The following EIF2S1 variants were observed in gnomAD, a reference collection of about 807,000 sequenced individuals.
The protein encoded by EIF2S1 is eukaryotic translation initiation factor 2 subunit alpha, also known as eukaryotic translation initiation factor 2 subunit 1.
Under a neutral mutation model 33.5 loss-of-function variants are expected in EIF2S1, and 5 were observed. The ratio of observed to expected loss-of-function variants is 0.15; its 90% CI spans 0.08 to 0.31. The LOEUF (loss-of-function observed/expected upper bound fraction) is 0.31. EIF2S1 is among the 10% of genes least tolerant of loss of function. EIF2S1 has a pLI of 1.00. For synonymous variants in EIF2S1, 99 were observed against 127.5 expected (o/e 0.78, Z 1.51); for missense variants, 191 against 384.6 (o/e 0.50, Z 4.21).
At chr14:67,372,645 A>G (rs189271016) in intron 2 of EIF2S1, among the ~76,000 whole-genome samples, 105 of 152,314 alleles carry the variant, frequency 6.9e-4, no homozygotes, top group Admixed American at 1.9e-3. Context: ...CCTGGCCAAC[A>G]TGGTGAAACC....
At position 67,368,633 on chromosome 14, in the gene EIF2S1, G is replaced by A. The variant is rs144202998; in HGVS notation, c.241+3625G>A. Among the ~76,000 whole-genome samples the A allele has an allele frequency of 5.9e-3, 890 of 152,058 alleles. 5 individuals carry two copies. The highest frequency in any genetic ancestry group is 9.8e-3 in the Admixed American group (149 of 15,258). ...CTTAATCACAAAGGCCAGGAGGTGTGGGGTAAATAGATCTATATGATTCTT... is the reference window on the plus strand; with the variant it reads ...CTTAATCACAAAGGCCAGGAGGTGTAGGGTAAATAGATCTATATGATTCTT... On this transcript the variant is annotated intron_variant, in intron 2 of 7. Transcript: ENST00000256383.
rs923379440 is a variant in EIF2S1 at position 67,384,498 on chromosome 14, T to G, written c.*1058T>G. The G allele has an allele frequency of 6.6e-6, 1 of 152,154 alleles. No homozygotes were observed. The highest frequency in any genetic ancestry group is 2.4e-5 in the African/African-American group (1 of 41,448). The allele number at this position is 152,154 out of a possible 1,614,324, so 9.4% of individuals were successfully genotyped here. ...AGGTGTAGAAAATCTTGAGTTGCTTTGGTCTGCTTGTCTTCATAAATTTAT... is the reference window on the plus strand; with the variant it reads ...AGGTGTAGAAAATCTTGAGTTGCTTGGGTCTGCTTGTCTTCATAAATTTAT... On this transcript the variant is annotated 3_prime_UTR_variant, in exon 8 of 8. Coordinates refer to ENST00000256383, the MANE Select transcript of EIF2S1 (RefSeq NM_004094.5).
intron 3 of EIF2S1, 178 bp downstream of exon 3, chr14:67,374,725 G>T: frequency 2.4e-6 from 1 of 419,996 alleles, no homozygotes; most frequent in South Asian, 7.1e-5. Flanking sequence ...GACTTCAACT[G>T]CTTTAACTTG....
At position 67,386,370 on chromosome 14, in the gene EIF2S1, G is replaced by A. The variant is rs920739378; in HGVS notation, c.*2930G>A. ...CAAATTTTTACTTAAGCACTTTGAG[G>A]TATCCACTCCCCTTAAATGTAAGTT... is the stretch of plus-strand genomic sequence containing the variant. On this transcript the variant is annotated 3_prime_UTR_variant, in exon 8 of 8. Transcript: ENST00000256383. The A allele has an allele frequency of 2.0e-5, 3 of 152,230 alleles. No individual in the cohort carries two copies. Among genetic ancestry groups the A allele is most frequent in the Non-Finnish European group, 4.4e-5 (3 of 68,010 alleles). The allele number at this position is 152,230 out of a possible 1,614,324, so 9.4% of individuals were successfully genotyped here. A position where few individuals can be genotyped will look rare whatever the true frequency, so the allele number is the denominator to read the frequency against.
chr14:67,372,288 T>G (rs924817325), intron 2 of EIF2S1, among the ~76,000 whole-genome samples: 1 of 152,170 alleles, frequency 6.6e-6, no homozygotes, highest in Non-Finnish European at 1.5e-5. Context: ...CACCTCACCT[T>G]ATACAAAAGT....
chr14:67,374,708 T>C lies in EIF2S1; in HGVS notation c.321+161T>C, dbSNP rs183881517. 18 of 446,048 alleles carry C rather than the reference T, an allele frequency of 4.0e-5. No individual in the cohort carries two copies. The East Asian group carries it at 5.7e-4, about 14-fold the overall frequency. 27.6% of individuals were successfully genotyped at this position (446,048 alleles called of 1,614,324 possible). On this transcript the variant is annotated intron_variant, in intron 3 of 7. Transcript: ENST00000256383. Reference sequence around the variant, plus strand: ...TGAAGCCGTTTTAGGTTAAATTAACTGTGGGTGACTTCAACTGCTTTAACT... The same window carrying C: ...TGAAGCCGTTTTAGGTTAAATTAACCGTGGGTGACTTCAACTGCTTTAACT...
chr14:67,384,682 G>A lies in EIF2S1; in HGVS notation c.*1242G>A, dbSNP rs1595652168. On this transcript the variant is annotated 3_prime_UTR_variant, in exon 8 of 8. Transcript: ENST00000256383. ...GAAAATAGAAGAGTGTGTTGGGCAG[G>A]TAGTTTGTACCATTTATGAAGGTTT... 1 of 152,288 alleles carries A rather than the reference G, an allele frequency of 6.6e-6. No homozygotes were observed. Among genetic ancestry groups the A allele is most frequent in the East Asian group, 1.9e-4 (1 of 5,190 alleles). 9.4% of individuals were successfully genotyped at this position (152,288 alleles called of 1,614,324 possible). A position where few individuals can be genotyped will look rare whatever the true frequency, so the allele number is the denominator to read the frequency against.
At chr14:67,363,505 T>C (rs2085755764) in intron 1 of EIF2S1, among the ~76,000 whole-genome samples, 1 of 152,198 alleles carries the variant, frequency 6.6e-6, no homozygotes, top group Non-Finnish European at 1.5e-5. Context: ...TGAATAGTTT[T>C]GAGAGAATAT....
chr14:67,378,495 C>T (rs541389157), intron 4 of EIF2S1, among the ~76,000 whole-genome samples: 2 of 152,208 alleles, frequency 1.3e-5, no homozygotes, highest in East Asian at 3.9e-4. Flanking sequence ...GGTCACACAG[C>T]TAACAAATCA....
chr14:67,373,842 A>AGTGTGTGTGTGTGTGTGT (rs35163593), intron 2 of EIF2S1, among the ~76,000 whole-genome samples: 19 of 145,796 alleles, frequency 1.3e-4, no homozygotes, highest in African/African-American at 4.2e-4. Context: ...TAATTTGTTC[A>AGTGTGTGTGTGTGTGTGT]GTGTGTGTGT....
chr14:67,380,325 GT>G (rs140960599), intron 4 of EIF2S1, among the ~76,000 whole-genome samples: 33 of 149,424 alleles, frequency 2.2e-4, no homozygotes, highest in Admixed American at 1.3e-3. Context: ...GTTTTTCCAT[GT>G]TTTTTTTTTC....
intron 2 of EIF2S1, among the ~76,000 whole-genome samples, chr14:67,369,726 C>G (rs1338568932): frequency 6.6e-6 from 1 of 151,982 alleles, no homozygotes; most frequent in Non-Finnish European, 1.5e-5. Flanking sequence ...TATATTAAAG[C>G]CTTAAGGGAA....
chr14:67,365,117 A>G (rs908963160), intron 2 of EIF2S1, 109 bp downstream of exon 2: 12 of 1,210,318 alleles, frequency 9.9e-6, no homozygotes, highest in African/African-American at 7.7e-5. Flanking sequence ...AGCTCCTTTT[A>G]TACTTAAACC....
In EIF2S1 at chr14:67,380,702, C is replaced by T. The variant is rs374271658; in HGVS notation, c.517C>T (p.Arg173Trp). ...TAGTTTAGATTTGAATGAAGATGAA[C>T]GGGAAGTACTCATTAATAATATTAA... ...LDSLDLNEDEREVLINNINRR... is the reference protein window; with the variant it reads ...LDSLDLNEDEWEVLINNINRR... The change falls in exon 5 of 8, where the codon CGG becomes TGG. Residue 173 changes from arginine (R) to tryptophan (W), a missense_variant. By Grantham distance (101) the Arg-to-Trp change is moderately radical. Coordinates refer to ENST00000256383, the MANE Select transcript of EIF2S1 (RefSeq NM_004094.5). 4.4e-6 allele frequency: 7 copies of T among 1,583,184 alleles called. No homozygotes were observed. The highest frequency in any genetic ancestry group is 1.4e-5 in the African/African-American group (1 of 73,042).
At chr14:67,373,238 C>G (rs1434742017) in intron 2 of EIF2S1, among the ~76,000 whole-genome samples, 1 of 152,074 alleles carries the variant, frequency 6.6e-6, no homozygotes, top group Admixed American at 6.5e-5. Context: ...GGTGATGGAA[C>G]TTGATTTTGG....
intron 4 of EIF2S1, among the ~76,000 whole-genome samples, chr14:67,379,911 C>T (rs1595650102): frequency 6.6e-6 from 1 of 152,096 alleles, no homozygotes; most frequent in Non-Finnish European, 1.5e-5. Context: ...GCCTCGGCCT[C>T]CCAAAGTGTC....
Position 67,383,609 on chromosome 14 carries a change from C to T in EIF2S1, c.*169C>T. On this transcript the variant is annotated 3_prime_UTR_variant, in exon 8 of 8. Transcript: ENST00000256383. ...GAACATGAAATGCCCTCCTAAATGT[C>T]AGCTGTTGTCACACAGTAGCTCCAA... 1 of 914,884 alleles carries T rather than the reference C, an allele frequency of 1.1e-6. No homozygotes were observed. The highest frequency in any genetic ancestry group is 1.4e-5 in the South Asian group (1 of 70,444). 56.7% of individuals were successfully genotyped at this position (914,884 alleles called of 1,614,324 possible). A position where few individuals can be genotyped will look rare whatever the true frequency, so the allele number is the denominator to read the frequency against.
chr14:67,382,622 C>T (rs2085893934), intron 7 of EIF2S1, 32 bp downstream of exon 7: 1 of 1,612,334 alleles, frequency 6.2e-7, no homozygotes, highest in Non-Finnish European at 8.5e-7. Context: ...TTAATAATGA[C>T]TCAGGAGGTT....
At chr14:67,370,612 T>G (rs1344873312) in intron 2 of EIF2S1, among the ~76,000 whole-genome samples, 6 of 152,300 alleles carry the variant, frequency 3.9e-5, no homozygotes, top group South Asian at 2.1e-4. Context: ...ACAAATCAGG[T>G]GAAATTAGTG....
Sources: gnomAD v4.1 joint callset for allele counts (sites outside exome capture counted in the v4.1 genomes callset) on GRCh38, gnomAD v4.1.1 for gene constraint, MANE v1.5 for transcripts, NCBI Gene and HGNC (gene_info 2026-07-23, HGNC 2026-07-21) for gene names.